CTNND2: variants seen among roughly 807,000 people sequenced by gnomAD.
CTNND2 encodes the protein catenin delta 2.
CTNND2 carries 22 observed loss-of-function variants against 144.4 expected under a neutral mutation model. The ratio of observed to expected loss-of-function variants is 0.15; its 90% confidence interval spans 0.11 to 0.22. The LOEUF is 0.22. Ranked by LOEUF, CTNND2 falls within the 10% of genes least tolerant of loss-of-function variation. The pLI is 1.00. For missense variants in CTNND2, 1,353 were observed against 1,618.8 expected (o/e 0.84, Z 2.82); for synonymous variants, 751 against 695.6 (o/e 1.08, Z -1.25).
intron 3 of CTNND2, among the ~76,000 whole-genome samples, chr5:11,470,980 A>ATATATATATATATATATAT (rs1219093645): frequency 4.9e-4 from 45 of 91,514 alleles, no homozygotes; most frequent in African/African-American, 8.6e-4. Context: ...ATATATATAT[A>ATATATATATATATATATAT]TTTTTTTTTT....
At position 11,790,788 on chromosome 5, in the gene CTNND2, G is replaced by C. The variant is rs1222199873; in HGVS notation, c.38-58516C>G. On this transcript the variant is annotated intron_variant, in intron 1 of 21. Coordinates refer to ENST00000304623, the MANE Select transcript of CTNND2 (RefSeq NM_001332.4). ...TTAGATACAGACCCTGGGACAATCT[G>C]ACAGTGGAGGGAATGAACACCATGT... Among the ~76,000 whole-genome samples, 4 of 152,204 alleles carry C rather than the reference G, an allele frequency of 2.6e-5. No homozygotes were observed. In the East Asian group the frequency reaches 7.7e-4, roughly 29 times the overall value.
chr5:11,192,139 T>G (rs1005903985), intron 11 of CTNND2, among the ~76,000 whole-genome samples: 2 of 152,208 alleles, frequency 1.3e-5, no homozygotes, highest in South Asian at 4.1e-4. Context: ...GTGGCAACAA[T>G]TCCTGTGATT....
intron 2 of CTNND2, among the ~76,000 whole-genome samples, chr5:11,609,844 G>A (rs1274116977): frequency 6.6e-6 from 1 of 152,130 alleles, no homozygotes; most frequent in African/African-American, 2.4e-5. Flanking sequence ...TTGACCTCAT[G>A]ACCAAGTGAC....
intron 3 of CTNND2, among the ~76,000 whole-genome samples, chr5:11,542,591 T>C (rs1774860846): frequency 6.6e-6 from 1 of 152,236 alleles, no homozygotes; most frequent in Admixed American, 6.5e-5. Context: ...TGAAATGATG[T>C]ATGTATTCAA....
At chr5:11,563,750 A>G (rs1488920546) in intron 3 of CTNND2, among the ~76,000 whole-genome samples, 1 of 152,192 alleles carries the variant, frequency 6.6e-6, no homozygotes, top group Non-Finnish European at 1.5e-5. Flanking sequence ...TAAAGAAAAA[A>G]AAAACACTAA....
intron 9 of CTNND2, among the ~76,000 whole-genome samples, chr5:11,273,293 A>G (rs1195436336): frequency 2.0e-5 from 3 of 152,150 alleles, no homozygotes; most frequent in Non-Finnish European, 4.4e-5. Flanking sequence ...TCAGAGAGTG[A>G]TCTGGTTCTC....
At chr5:11,154,670 C>G (rs1758054429) in intron 12 of CTNND2, among the ~76,000 whole-genome samples, 1 of 152,188 alleles carries the variant, frequency 6.6e-6, no homozygotes, top group Admixed American at 6.5e-5. Context: ...GCTGTCAGAA[C>G]CGAGTACCAC....
rs191192059 is a variant in CTNND2 at position 11,382,546 on chromosome 5, C to T, written c.1177+2119G>A. On this transcript the variant is annotated intron_variant, in intron 7 of 21. Coordinates refer to ENST00000304623, the MANE Select transcript of CTNND2 (RefSeq NM_001332.4). ...CCAGGAGATGGATGTTGCAGTGAGCCGAGATCGCACCACTGCACTCCAGCC... is the reference window on the plus strand; with the variant it reads ...CCAGGAGATGGATGTTGCAGTGAGCTGAGATCGCACCACTGCACTCCAGCC... 1.5e-4 allele frequency among the ~76,000 whole-genome samples: 22 copies of T among 150,796 alleles called. No individual in the cohort carries two copies. The East Asian group carries it at 3.1e-3, about 21-fold the overall frequency.
chr5:11,338,776 G>C (rs1753965625), intron 9 of CTNND2, among the ~76,000 whole-genome samples: 1 of 152,164 alleles, frequency 6.6e-6, no homozygotes, highest in Non-Finnish European at 1.5e-5. Flanking sequence ...GACAAATACT[G>C]TGTGTGAACA....
chr5:11,079,694 C>T (rs1320404906), intron 16 of CTNND2, among the ~76,000 whole-genome samples: 1 of 152,192 alleles, frequency 6.6e-6, no homozygotes, highest in Non-Finnish European at 1.5e-5. Flanking sequence ...GGCTTCCTGT[C>T]TCATCTCCTT....
chr5:11,334,676 C>T (rs536222636), intron 9 of CTNND2, among the ~76,000 whole-genome samples: 64 of 152,194 alleles, frequency 4.2e-4, no homozygotes, highest in African/African-American at 1.5e-3. Flanking sequence ...GGGGAGCCAC[C>T]CTAGGGTCTC....
At chr5:11,215,373 C>T (rs61750758) in intron 10 of CTNND2, among the ~76,000 whole-genome samples, 10 of 152,322 alleles carry the variant, frequency 6.6e-5, no homozygotes, top group East Asian at 1.9e-4. Context: ...CACAAGTACA[C>T]GACAGCACTA....
intron 2 of CTNND2, among the ~76,000 whole-genome samples, chr5:11,716,838 C>G (rs1391107163): frequency 6.6e-6 from 1 of 152,042 alleles, no homozygotes; most frequent in African/African-American, 2.4e-5. Context: ...AGGTGTCCAT[C>G]ATCATGCCCA....
intron 18 of CTNND2, among the ~76,000 whole-genome samples, chr5:10,994,707 T>C (rs1244001765): frequency 6.6e-6 from 1 of 151,938 alleles, no homozygotes; most frequent in African/African-American, 2.4e-5. Context: ...AACAGGCTCC[T>C]GGGACTGAAT....
chr5:11,265,304 T>C (rs1745324419), intron 9 of CTNND2, among the ~76,000 whole-genome samples: 1 of 152,172 alleles, frequency 6.6e-6, no homozygotes, highest in Admixed American at 6.5e-5. Flanking sequence ...ACAAAAATCT[T>C]AGGGAATCAG....
chr5:11,450,570 CAG>C (rs906364373), intron 3 of CTNND2, among the ~76,000 whole-genome samples: 4 of 152,124 alleles, frequency 2.6e-5, no homozygotes, highest in Non-Finnish European at 4.4e-5. Flanking sequence ...TAAGACAAAA[CAG>C]GGGTTTCTGG....
chr5:11,771,106 AT>A (rs757375130), intron 1 of CTNND2, among the ~76,000 whole-genome samples: 1 of 152,168 alleles, frequency 6.6e-6, no homozygotes, highest in Non-Finnish European at 1.5e-5. Context: ...GCTTTACATT[AT>A]AAAAAGGAAA....
intron 9 of CTNND2, among the ~76,000 whole-genome samples, chr5:11,299,286 G>A (rs1447314739): frequency 6.6e-6 from 1 of 152,118 alleles, no homozygotes; most frequent in Non-Finnish European, 1.5e-5. Flanking sequence ...TTGTGTATCT[G>A]TCATAGGCAA....
At chr5:11,057,137 C>G (rs6873870) in intron 16 of CTNND2, among the ~76,000 whole-genome samples, 26,304 of 152,128 alleles carry the variant, frequency 0.17, 4,264 homozygotes, top group East Asian at 0.58. Flanking sequence ...ACAGCTATCT[C>G]AAGACCAACA....
Sources: allele counts gnomAD v4.1 joint callset (sites outside exome capture counted in the v4.1 genomes callset), GRCh38; gene constraint gnomAD v4.1.1; transcripts MANE v1.5; gene names NCBI Gene and HGNC (gene_info 2026-07-23, HGNC 2026-07-21).